APC: variants seen among roughly 807,000 people sequenced by gnomAD.
The protein encoded by APC is adenomatous polyposis coli protein.
APC carries 72 observed loss-of-function variants against 247.0 expected under a neutral mutation model. The observed-to-expected ratio is 0.29, with a 90% CI of 0.24 to 0.35. The LOEUF is 0.35. APC is among the 10% of genes least tolerant of loss of function. The pLI is 1.00. For missense variants in APC, 3,400 were observed against 3,360.7 expected (o/e 1.01, Z -0.29); for synonymous variants, 1,254 against 1,162.5 (o/e 1.08, Z -1.60).
Position 112,821,942 on chromosome 5 carries a change from A to C in APC, c.1359A>C (p.Leu453=). The C allele has an allele frequency of 6.2e-7, 1 of 1,613,490 alleles. No homozygotes were observed. Among genetic ancestry groups the C allele is most frequent in the Non-Finnish European group, 8.5e-7 (1 of 1,179,736 alleles). ...AGATCTGTCCTGCTGTGTGTGTTCT[A>C]ATGAAACTTTCATTTGATGAAGAGC... The part of the protein sequence containing the change: ...EHQICPAVCV[L]MKLSFDEEHR... Residue 453 remains leucine, a synonymous_variant, in exon 11 of 16, where the codon CTA becomes CTC. Coordinates refer to ENST00000257430, the MANE Select transcript of APC (RefSeq NM_000038.6).
intron 1 of APC, among the ~76,000 whole-genome samples, chr5:112,717,393 AG>A (rs1751232680): frequency 6.6e-6 from 1 of 152,056 alleles, no homozygotes; most frequent in Non-Finnish European, 1.5e-5. Context: ...ATTTTATTTA[AG>A]TTAATGCATG....
intron 4 of APC, among the ~76,000 whole-genome samples, chr5:112,772,727 G>T (rs955117646): frequency 1.3e-5 from 2 of 152,024 alleles, no homozygotes; most frequent in African/African-American, 4.8e-5. Flanking sequence ...ATGTTGGCCA[G>T]GCTGGTCTCG....
chr5:112,788,812 T>C (rs1759262966), intron 6 of APC, among the ~76,000 whole-genome samples: 1 of 152,216 alleles, frequency 6.6e-6, no homozygotes, highest in Non-Finnish European at 1.5e-5. Flanking sequence ...TCCTGAAATA[T>C]TTTATTATAT....
At chr5:112,720,522 A>G (rs944225979) in intron 1 of APC, among the ~76,000 whole-genome samples, 3 of 152,334 alleles carry the variant, frequency 2.0e-5, no homozygotes, top group East Asian at 3.9e-4. Context: ...CCCATCTCCT[A>G]TTTTAAACAT....
At chr5:112,761,575 T>A (rs1467457513) in intron 2 of APC, among the ~76,000 whole-genome samples, 1 of 151,730 alleles carries the variant, frequency 6.6e-6, no homozygotes, top group African/African-American at 2.4e-5. Context: ...AAAAGATCAG[T>A]AGAAAATATT....
chr5:112,717,515 G>C (rs1414645339), intron 1 of APC, among the ~76,000 whole-genome samples: 1 of 152,100 alleles, frequency 6.6e-6, no homozygotes, highest in African/African-American at 2.4e-5. Flanking sequence ...GCTTGAAAAT[G>C]TCTTTATTTT....
In APC at chr5:112,838,625, G is replaced by A. The variant is rs1205090615; in HGVS notation, c.3031G>A (p.Ala1011Thr). Reference protein sequence around the residue: ...PADLAHKIHSANHMDDNDGEL... With the variant: ...PADLAHKIHSTNHMDDNDGEL... ...CGACCTAGCCCATAAAATACATAGT[G>A]CAAATCATATGGATGATAATGATGG... Residue 1011 changes from alanine (A) to threonine (T), a missense_variant, in exon 16 of 16, where the codon GCA becomes ACA. Ala to Thr is a moderately conservative substitution (Grantham distance 58). Transcript: ENST00000257430. 3 of 1,613,950 alleles carry A rather than the reference G, an allele frequency of 1.9e-6. No individual in the cohort carries two copies. Among genetic ancestry groups the A allele is most frequent in the South Asian group, 1.1e-5 (1 of 91,084 alleles).
intron 1 of APC, among the ~76,000 whole-genome samples, chr5:112,747,500 C>G (rs1158136856): frequency 1.3e-5 from 2 of 152,182 alleles, no homozygotes; most frequent in African/African-American, 2.4e-5. Flanking sequence ...CCACTACACT[C>G]ATGCCATACA....
intron 1 of APC, among the ~76,000 whole-genome samples, chr5:112,746,445 C>A (rs1328035799): frequency 6.6e-6 from 1 of 152,090 alleles, no homozygotes; most frequent in Admixed American, 6.5e-5. Context: ...TAAAACTATA[C>A]ATTTTCTCTT....
intron 5 of APC, among the ~76,000 whole-genome samples, chr5:112,776,868 A>T (rs559799720): frequency 1.6e-4 from 25 of 152,192 alleles, no homozygotes; most frequent in Middle Eastern, 3.4e-3. Flanking sequence ...AAAATAAAAA[A>T]AAAAATAAAT....
intron 1 of APC, among the ~76,000 whole-genome samples, chr5:112,719,037 A>ATG: frequency 6.6e-6 from 1 of 152,200 alleles, no homozygotes; most frequent in Admixed American, 6.5e-5. Context: ...AAATACTTGT[A>ATG]TGTGAGTAGT....
At chr5:112,788,383 G>C (rs1224589727) in intron 6 of APC, among the ~76,000 whole-genome samples, 5 of 152,006 alleles carry the variant, frequency 3.3e-5, no homozygotes, top group Non-Finnish European at 7.4e-5. Context: ...ATAATATTTA[G>C]TCTTGGTTGA....
chr5:112,779,934 T>C (rs1205853052), intron 5 of APC, among the ~76,000 whole-genome samples: 1 of 152,212 alleles, frequency 6.6e-6, no homozygotes, highest in Admixed American at 6.5e-5. Flanking sequence ...ATATGTCATA[T>C]ACAGTTTTCT....
intron 1 of APC, among the ~76,000 whole-genome samples, chr5:112,714,776 A>G (rs971183640): frequency 2.6e-5 from 4 of 152,140 alleles, no homozygotes; most frequent in African/African-American, 4.8e-5. Flanking sequence ...TTTACAATCT[A>G]TATATCACAC....
At chr5:112,776,251 T>A (rs552640781) in intron 5 of APC, among the ~76,000 whole-genome samples, 1 of 152,340 alleles carries the variant, frequency 6.6e-6, no homozygotes, top group East Asian at 1.9e-4. Context: ...ATTAACAGTA[T>A]GCAGTTGAAT....
At chr5:112,773,788 T>C (rs1434689661) in intron 4 of APC, among the ~76,000 whole-genome samples, 1 of 152,128 alleles carries the variant, frequency 6.6e-6, no homozygotes, top group Non-Finnish European at 1.5e-5. Flanking sequence ...TCATTTTTAA[T>C]ATAGAAAAGG....
intron 9 of APC, among the ~76,000 whole-genome samples, chr5:112,818,680 AAC>A (rs1203286407): frequency 6.6e-6 from 1 of 152,194 alleles, no homozygotes; most frequent in Non-Finnish European, 1.5e-5. Context: ...AAACAGCACT[AAC>A]AGTTTGTTAG....
At chr5:112,768,341 G>A (rs924870353) in intron 4 of APC, among the ~76,000 whole-genome samples, 24 of 150,050 alleles carry the variant, frequency 1.6e-4, no homozygotes, top group Non-Finnish European at 1.6e-4. Flanking sequence ...CACTACACTT[G>A]GCCAAGACTC....
At chr5:112,828,651 T>G (rs1763980185) in intron 13 of APC, among the ~76,000 whole-genome samples, 1 of 152,002 alleles carries the variant, frequency 6.6e-6, no homozygotes, top group African/African-American at 2.4e-5. Context: ...GGTCTCACTG[T>G]GTTACCCAGA....
Sources: allele counts gnomAD v4.1 joint callset (sites outside exome capture counted in the v4.1 genomes callset), GRCh38; gene constraint gnomAD v4.1.1; transcripts MANE v1.5; gene names NCBI Gene and HGNC (gene_info 2026-07-23, HGNC 2026-07-21).